RSBN1: variants seen among roughly 807,000 people sequenced by gnomAD.
The protein encoded by RSBN1 is round spermatid basic protein 1.
RSBN1 carries 23 observed loss-of-function variants against 74.8 expected under a neutral mutation model. The ratio of observed to expected loss-of-function variants is 0.31; its 90% CI spans 0.22 to 0.44. The LOEUF is 0.44. Among genes scored for constraint, RSBN1 ranks in the 20% least tolerant of loss-of-function variants. The probability of loss-of-function intolerance (pLI) is 1.00; values close to 1 mark genes in which losing one functional copy is unlikely to be tolerated. For missense variants in RSBN1, 808 were observed against 1,020.9 expected, an observed-to-expected ratio of 0.79 and a Z score of 2.84; for synonymous variants, 407 against 379.6, an observed-to-expected ratio of 1.07 and a Z score of -0.84.
At chr1:113,800,983 ATT>A (rs773750604) in intron 1 of RSBN1, among the ~76,000 whole-genome samples, 5 of 145,774 alleles carry the variant, frequency 3.4e-5, no homozygotes, top group Admixed American at 6.9e-5. Context: ...CTGTTTTTCA[ATT>A]TTTTTTTTTT....
At chr1:113,779,913 C>A (rs765797547) in intron 2 of RSBN1, among the ~76,000 whole-genome samples, 9 of 151,794 alleles carry the variant, frequency 5.9e-5, no homozygotes, top group Admixed American at 4.6e-4. Flanking sequence ...CCCAGATACT[C>A]GGGAGGCTGA....
chr1:113,776,282 A>G (rs1424033531), intron 4 of RSBN1, among the ~76,000 whole-genome samples: 1 of 152,248 alleles, frequency 6.6e-6, no homozygotes, highest in East Asian at 1.9e-4. Context: ...AGAAAATAAA[A>G]ACATGTAAAC....
intron 4 of RSBN1, among the ~76,000 whole-genome samples, chr1:113,775,814 C>A (rs972780419): frequency 3.3e-5 from 5 of 152,308 alleles, no homozygotes; most frequent in African/African-American, 1.2e-4. Flanking sequence ...TAGCAATGTG[C>A]AGAACTTTCA....
At chr1:113,775,503 A>T (rs1660008714) in intron 4 of RSBN1, among the ~76,000 whole-genome samples, 1 of 150,908 alleles carries the variant, frequency 6.6e-6, no homozygotes, top group Admixed American at 6.6e-5. Flanking sequence ...CACCACACTA[A>T]TTTTTGTATT....
At chr1:113,781,562 A>G (rs184269984) in intron 2 of RSBN1, among the ~76,000 whole-genome samples, 13 of 152,228 alleles carry the variant, frequency 8.5e-5, no homozygotes, top group Admixed American at 8.5e-4. Flanking sequence ...CCATATCTAC[A>G]TCTCTAACTT....
At chr1:113,806,860 AAC>A (rs1460954386) in intron 1 of RSBN1, among the ~76,000 whole-genome samples, 4 of 139,614 alleles carry the variant, frequency 2.9e-5, no homozygotes, top group East Asian at 4.0e-4. Flanking sequence ...AAAAAAAAAA[AAC>A]ATTAGCCAGG....
At chr1:113,786,291 G>A (rs1660241616) in intron 2 of RSBN1, among the ~76,000 whole-genome samples, 1 of 152,176 alleles carries the variant, frequency 6.6e-6, no homozygotes. Context: ...GACATGATGA[G>A]CCAGAAGTAT....
At chr1:113,805,504 T>C (rs913094105) in intron 1 of RSBN1, among the ~76,000 whole-genome samples, 1 of 152,172 alleles carries the variant, frequency 6.6e-6, no homozygotes. Flanking sequence ...CATTTAAATA[T>C]CTCTGTTAAA....
At chr1:113,792,585 T>C (rs1050907093) in intron 2 of RSBN1, among the ~76,000 whole-genome samples, 1 of 152,204 alleles carries the variant, frequency 6.6e-6, no homozygotes, top group Admixed American at 6.5e-5. Flanking sequence ...ACACCCGTAG[T>C]CCTAGCTACT....
intron 1 of RSBN1, among the ~76,000 whole-genome samples, chr1:113,799,931 CA>C (rs1660548501): frequency 6.6e-6 from 1 of 152,054 alleles, no homozygotes; most frequent in South Asian, 2.1e-4. Flanking sequence ...ACCCACCAAA[CA>C]ATCGTTTTTT....
At position 113,797,910 on chromosome 1, in the gene RSBN1, T is replaced by C. The variant is rs1660505226; in HGVS notation, c.830A>G (p.Glu277Gly). Residue 277 changes from glutamate to glycine, a missense_variant, in exon 2 of 7, where the codon GAA becomes GGA. Glu to Gly is a moderately conservative substitution (Grantham distance 98). Transcript: ENST00000261441. The part of the protein sequence containing the change: ...RGRRLKMYNK[E>G]VQTVCAGLTR... ...CAGGCCAGCACAGACGGTTTGTACT[T>C]CCTTATTGTACATTTTAAGGCGTCT... 1 of 1,613,898 alleles carries C rather than the reference T, an allele frequency of 6.2e-7. No individual in the cohort carries two copies.
intron 4 of RSBN1, among the ~76,000 whole-genome samples, chr1:113,771,586 T>A: frequency 6.9e-6 from 1 of 145,180 alleles, no homozygotes; most frequent in African/African-American, 2.5e-5. Context: ...GAATGCTAGG[T>A]AACTACCAAC....
chr1:113,800,372 T>C (rs898779053), intron 1 of RSBN1, among the ~76,000 whole-genome samples: 2 of 152,058 alleles, frequency 1.3e-5, no homozygotes, highest in Admixed American at 6.6e-5. Context: ...CACTTAGTAA[T>C]AGTCATTTAT....
intron 2 of RSBN1, among the ~76,000 whole-genome samples, chr1:113,784,232 A>G (rs990794566): frequency 6.6e-6 from 1 of 152,200 alleles, no homozygotes; most frequent in Admixed American, 6.5e-5. Context: ...CCACAAGTTT[A>G]TTGTACAGTC....
intron 1 of RSBN1, among the ~76,000 whole-genome samples, chr1:113,807,488 AG>A (rs1347664041): frequency 1.3e-5 from 2 of 151,008 alleles, no homozygotes; most frequent in Non-Finnish European, 3.0e-5. Context: ...GGCCGGGCGC[AG>A]TGGCTCACGC....
chr1:113,792,261 G>T lies in RSBN1; in HGVS notation c.1377+5102C>A, dbSNP rs556276498. On this transcript the variant is annotated intron_variant, in intron 2 of 6. Transcript: ENST00000261441. ...TCCTTCAATTACTTAGTTGCCAGAA[G>T]ATCTCAGAGGTGATATTGAAAACAA... Among the ~76,000 whole-genome samples the T allele has an allele frequency of 2.0e-5, 3 of 152,280 alleles. No individual in the cohort carries two copies. In the South Asian group the frequency reaches 6.2e-4, roughly 32 times the overall value.
chr1:113,766,471 T>C lies in RSBN1; in HGVS notation c.1936-18A>G. The C allele has an allele frequency of 6.6e-7, 1 of 1,505,048 alleles. No homozygotes were observed. The highest frequency in any genetic ancestry group is 9.1e-7 in the Non-Finnish European group (1 of 1,099,836). 93.2% of individuals were successfully genotyped at this position (1,505,048 alleles called of 1,614,324 possible). ...TGTACGCACTGAAGAAAGAAAAAAG[T>C]TACGTGAGACTTTAAAATATGTAAT... On this transcript the variant is annotated intron_variant, in intron 6 of 6. Transcript: ENST00000261441.
chr1:113,804,025 A>C (rs1660644695), intron 1 of RSBN1, among the ~76,000 whole-genome samples: 1 of 151,966 alleles, frequency 6.6e-6, no homozygotes, highest in Admixed American at 6.6e-5. Flanking sequence ...GCTTAGCTAC[A>C]GGCTGAGGTG....
chr1:113,800,959 T>C (rs1660572368), intron 1 of RSBN1, among the ~76,000 whole-genome samples: 3 of 151,880 alleles, frequency 2.0e-5, no homozygotes, highest in Admixed American at 2.0e-4. Context: ...TTTCAATCTA[T>C]CTTCTCACTA....
Sources: allele counts gnomAD v4.1 joint callset (sites outside exome capture counted in the v4.1 genomes callset), GRCh38; gene constraint gnomAD v4.1.1; transcripts MANE v1.5; gene names NCBI Gene and HGNC (gene_info 2026-07-23, HGNC 2026-07-21).